The following FBXO30 variants were observed in gnomAD, a reference collection of about 807,000 sequenced individuals.
The protein encoded by FBXO30 is F-box only protein 30.
FBXO30 carries 21 observed loss-of-function variants against 58.1 expected under a neutral mutation model. That is an observed-to-expected ratio of 0.36 (90% CI 0.26 to 0.52). The LOEUF is 0.52. Among genes scored for constraint, FBXO30 ranks in the 20% least tolerant of loss-of-function variants. The pLI, the probability that FBXO30 is intolerant of heterozygous loss-of-function variation, is 0.93. For missense variants in FBXO30, 744 were observed against 897.3 expected, an observed-to-expected ratio of 0.83 and a Z score of 2.18; for synonymous variants, 309 against 312.4, an observed-to-expected ratio of 0.99 and a Z score of 0.11.
At chr6:145,813,376 G>C (rs1351439083) in intron 1 of FBXO30, among the ~76,000 whole-genome samples, 1 of 150,470 alleles carries the variant, frequency 6.6e-6, no homozygotes, top group Non-Finnish European at 1.5e-5. Context: ...AAAACAAATT[G>C]GCAATTTAAA....
chr6:145,801,332 C>T (rs1341223033), intron 2 of FBXO30, among the ~76,000 whole-genome samples: 4 of 151,986 alleles, frequency 2.6e-5, no homozygotes, highest in African/African-American at 7.3e-5. Context: ...TGGCCCAGGA[C>T]GGCTCTGAAT....
At position 145,797,163 on chromosome 6, in the gene FBXO30, A is replaced by C. The variant is rs551516143; in HGVS notation, c.*2943T>G. The stretch of plus-strand genomic sequence containing the variant: ...CTAAATGTTACTGCTAATGAACTAA[A>C]ATTTGCACTGCAATTTACCTTGAAC... On this transcript the variant is annotated 3_prime_UTR_variant, in exon 3 of 3. Transcript: ENST00000237281. The C allele has an allele frequency of 6.6e-6, 1 of 152,076 alleles. No homozygotes were observed. Among genetic ancestry groups the C allele is most frequent in the South Asian group, 2.1e-4 (1 of 4,828 alleles). 9.4% of individuals were successfully genotyped at this position (152,076 alleles called of 1,614,324 possible). A position where few individuals can be genotyped will look rare whatever the true frequency, so the allele number is the denominator to read the frequency against.
chr6:145,796,029 CAT>C lies in FBXO30; in HGVS notation c.*4075_*4076del, dbSNP rs1279370168. ...AGGCAACATTTTCCAAATTTCCTTACATCTAAACATCTCTTTTCTTCCTGCAT... is the reference window on the plus strand; with the variant it reads ...AGGCAACATTTTCCAAATTTCCTTACCTAAACATCTCTTTTCTTCCTGCAT... On this transcript the variant is annotated 3_prime_UTR_variant, in exon 3 of 3. Transcript: ENST00000237281. 1 of 151,944 alleles carries C rather than the reference CAT, an allele frequency of 6.6e-6. No homozygotes were observed. The highest frequency in any genetic ancestry group is 1.5e-5 in the Non-Finnish European group (1 of 67,870). 9.4% of individuals were successfully genotyped at this position (151,944 alleles called of 1,614,324 possible).
Position 145,804,902 on chromosome 6 carries a change from C to G in FBXO30, c.1504G>C (p.Asp502His). Reference sequence around the variant, plus strand: ...CTAGCGACACATTCCAATACTAAATCCAGCCCAAGTGTCTGAAACGGACTT... The same window carrying G: ...CTAGCGACACATTCCAATACTAAATGCAGCCCAAGTGTCTGAAACGGACTT... The part of the protein sequence containing the change: ...NPSPFQTLGL[D>H]LVLECVARYQ... The change falls in exon 2 of 3, where the codon GAT (aspartate) becomes CAT (histidine). Residue 502 changes from aspartate (D) to histidine (H), a missense_variant. By Grantham distance (81) the Asp-to-His change is moderately conservative. Coordinates refer to ENST00000237281, the MANE Select transcript of FBXO30 (RefSeq NM_032145.5). 3 of 1,613,878 alleles carry G rather than the reference C, an allele frequency of 1.9e-6. No individual in the cohort carries two copies. Among genetic ancestry groups the G allele is most frequent in the Non-Finnish European group, 2.5e-6 (3 of 1,179,904 alleles).
rs922190171 is a variant in FBXO30, at chr6:145,799,894, G to C, written c.*212C>G. On this transcript the variant is annotated 3_prime_UTR_variant, in exon 3 of 3. Coordinates refer to ENST00000237281, the MANE Select transcript of FBXO30 (RefSeq NM_032145.5). ...GCTAAAAATTAAATCACCCTGTCCAGCAAGTTCCAAAAATTTCACACATTT... is the reference window on the plus strand; with the variant it reads ...GCTAAAAATTAAATCACCCTGTCCACCAAGTTCCAAAAATTTCACACATTT... 2.5e-5 allele frequency: 10 copies of C among 394,746 alleles called. No individual in the cohort carries two copies. Among genetic ancestry groups the C allele is most frequent in the Non-Finnish European group, 4.1e-5 (9 of 219,888 alleles). 24.5% of individuals were successfully genotyped at this position (394,746 alleles called of 1,614,324 possible).
Position 145,794,320 on chromosome 6 carries a change from GC to G in FBXO30, c.*5785del, listed in dbSNP as rs889254305. 5 of 151,950 alleles carry G rather than the reference GC, an allele frequency of 3.3e-5. No individual in the cohort carries two copies. Among genetic ancestry groups the G allele is most frequent in the Admixed American group, 1.3e-4 (2 of 15,250 alleles). 9.4% of individuals were successfully genotyped at this position (151,950 alleles called of 1,614,324 possible). A position where few individuals can be genotyped will look rare whatever the true frequency, so the allele number is the denominator to read the frequency against. ...TTTATGTAAATCATGAGAAAAGGAA[GC>G]TAAATGACATCTTAGGTAAGCCAAT... is the stretch of plus-strand genomic sequence containing the variant. On this transcript the variant is annotated 3_prime_UTR_variant, in exon 3 of 3. Transcript: ENST00000237281.
chr6:145,803,043 T>C (rs956404400), intron 2 of FBXO30, among the ~76,000 whole-genome samples: 2 of 152,018 alleles, frequency 1.3e-5, no homozygotes, highest in African/African-American at 4.8e-5. Flanking sequence ...TAGATGCTTG[T>C]ATATAGTGGT....
At chr6:145,807,254 T>C (rs1270612101) in intron 1 of FBXO30, among the ~76,000 whole-genome samples, 2 of 152,206 alleles carry the variant, frequency 1.3e-5, no homozygotes, top group African/African-American at 4.8e-5. Context: ...ATGTGGTCAA[T>C]TTGACAGAAG....
rs1239491027 is a variant in FBXO30, at chr6:145,793,523, T to C, written c.*6583A>G. The C allele has an allele frequency of 6.6e-6, 1 of 152,100 alleles. No individual in the cohort carries two copies. The highest frequency in any genetic ancestry group is 2.4e-5 in the African/African-American group (1 of 41,460). The allele number at this position is 152,100 out of a possible 1,614,324, so 9.4% of individuals were successfully genotyped here. A position where few individuals can be genotyped will look rare whatever the true frequency, so the allele number is the denominator to read the frequency against. ...AATGTACACATCAGTACAATTTATT[T>C]AGTCTTACTCTAATACAACAAGTTG... On this transcript the variant is annotated 3_prime_UTR_variant, in exon 3 of 3. Transcript: ENST00000237281.
intron 1 of FBXO30, among the ~76,000 whole-genome samples, chr6:145,811,566 GA>G (rs1336507555): frequency 6.6e-6 from 1 of 152,080 alleles, no homozygotes; most frequent in Non-Finnish European, 1.5e-5. Flanking sequence ...TCAATTACTG[GA>G]AAAATAATGA....
intron 2 of FBXO30, among the ~76,000 whole-genome samples, 163 bp from the exon 3 acceptor site, chr6:145,800,472 G>A (rs9386131): frequency 0.46 from 70,539 of 151,874 alleles, 16,917 homozygotes; most frequent in African/African-American, 0.57. Flanking sequence ...GGACATAAAT[G>A]TATGTCAAAT....
rs547634176 is a variant in FBXO30, at chr6:145,805,557, A to G, written c.849T>C (p.Leu283=). ...TATTTTCCAAAGGAAAGCCATTACA[A>G]AGAGCAGAAGTGTCATAAGAACTTG... is the stretch of plus-strand genomic sequence containing the variant. ...LNTSSYDTSA[L]CNGFPLENIC... Residue 283 remains leucine (L), a synonymous_variant, in exon 2 of 3, where the codon CTT becomes CTC. Transcript: ENST00000237281. 23 of 1,610,332 alleles carry G rather than the reference A, an allele frequency of 1.4e-5. No individual in the cohort carries two copies. The Admixed American group carries it at 3.2e-4, about 22-fold the overall frequency.
chr6:145,793,694 A>G lies in FBXO30; in HGVS notation c.*6412T>C, dbSNP rs1014307407. On this transcript the variant is annotated 3_prime_UTR_variant, in exon 3 of 3. Coordinates refer to ENST00000237281, the MANE Select transcript of FBXO30 (RefSeq NM_032145.5). ...CACAAGGAATCATAATAAATTTCAA[A>G]AGATAAAAAATAAACATTGACACAG... 3.9e-5 allele frequency: 6 copies of G among 152,090 alleles called. No homozygotes were observed. The highest frequency in any genetic ancestry group is 1.4e-4 in the African/African-American group (6 of 41,458). The allele number at this position is 152,090 out of a possible 1,614,324, so 9.4% of individuals were successfully genotyped here.
chr6:145,803,170 C>T (rs909745703), intron 2 of FBXO30, among the ~76,000 whole-genome samples: 6 of 151,814 alleles, frequency 4.0e-5, no homozygotes, highest in African/African-American at 1.5e-4. Context: ...TATAGAATCC[C>T]CCCAAAAATT....
At chr6:145,810,655 T>C (rs879915326) in intron 1 of FBXO30, among the ~76,000 whole-genome samples, 5 of 152,198 alleles carry the variant, frequency 3.3e-5, no homozygotes, top group Admixed American at 1.3e-4. Context: ...TTCTAAGACA[T>C]GGCATTTTCC....
chr6:145,806,094 C>G lies in FBXO30; in HGVS notation c.312G>C (p.Arg104=). The G allele has an allele frequency of 1.2e-6, 2 of 1,614,084 alleles. No homozygotes were observed. The highest frequency in any genetic ancestry group is 1.7e-6 in the Non-Finnish European group (2 of 1,179,980). Residue 104 remains arginine (R), a synonymous_variant, in exon 2 of 3, where the codon CGG becomes CGC. Transcript: ENST00000237281. ...CTCTGCTTAGATTTTCATATGATTT[C>G]CGGTCTGCATAACTAACTGGCCATC... ...WNRWPVSYAD[R]KSYENLSRDV...
intron 1 of FBXO30, among the ~76,000 whole-genome samples, chr6:145,813,006 C>T (rs933808518): frequency 7.9e-5 from 12 of 152,128 alleles, no homozygotes; most frequent in African/African-American, 2.4e-4. Flanking sequence ...TATCCAAAAT[C>T]ATACAGAATA....
intron 1 of FBXO30, among the ~76,000 whole-genome samples, chr6:145,806,660 A>T (rs1000176436): frequency 6.6e-6 from 1 of 152,196 alleles, no homozygotes; most frequent in Non-Finnish European, 1.5e-5. Flanking sequence ...TCATTTTTAT[A>T]TACTATATAA....
Position 145,798,762 on chromosome 6 carries a change from G to C in FBXO30, c.*1344C>G, listed in dbSNP as rs1777916129. 6.6e-6 allele frequency: 1 copy of C among 152,030 alleles called. No individual in the cohort carries two copies. The highest frequency in any genetic ancestry group is 1.5e-5 in the Non-Finnish European group (1 of 67,980). The allele number at this position is 152,030 out of a possible 1,614,324, so 9.4% of individuals were successfully genotyped here. On this transcript the variant is annotated 3_prime_UTR_variant, in exon 3 of 3. Transcript: ENST00000237281. ...GCCATATAAGGGAATCAAGAACCTA[G>C]TAATCGTGGAGTACTCTCAGGGACA...
Sources: allele counts gnomAD v4.1 joint callset (sites outside exome capture counted in the v4.1 genomes callset), GRCh38; gene constraint gnomAD v4.1.1; transcripts MANE v1.5; gene names NCBI Gene and HGNC (gene_info 2026-07-23, HGNC 2026-07-21).